NEB: variants seen among roughly 807,000 people sequenced by gnomAD.
NEB encodes the protein nemaline myopathy type 2.
Under a neutral mutation model 952.2 loss-of-function variants are expected in NEB, and 512 were observed. The observed-to-expected ratio is 0.54, with a 90% CI of 0.50 to 0.58. The LOEUF (loss-of-function observed/expected upper bound fraction) is 0.58. Ranked by LOEUF, NEB falls within the 20% of genes least tolerant of loss-of-function variation. NEB has a pLI of 0.00. For synonymous variants in NEB, 2,900 were observed against 3,149.8 expected (o/e 0.92, Z 2.66); for missense variants, 8,428 against 9,231.1 (o/e 0.91, Z 3.56).
intron 13 of NEB, among the ~76,000 whole-genome samples, chr2:151,702,701 T>G (rs557299931): frequency 6.6e-6 from 1 of 152,224 alleles, no homozygotes; most frequent in South Asian, 2.1e-4. Flanking sequence ...CTGCCTTTTT[T>G]TTGTTTTCCA....
In NEB at chr2:151,697,590, G is replaced by T. The variant is rs200585609; in HGVS notation, c.1211C>A (p.Thr404Asn). 1.2e-6 allele frequency: 2 copies of T among 1,613,026 alleles called. No homozygotes were observed. Among genetic ancestry groups the T allele is most frequent in the African/African-American group, 1.3e-5 (1 of 74,898 alleles). The part of the protein sequence containing the change: ...TKAKSINYCE[T>N]PKFKLDTVLQ... ...AACAGTATCGAGCTTGAATTTGGGG[G>T]TCTCGCAGTAATTTATGCTCTTTGC... The change falls in exon 14 of 182, where the codon ACC becomes AAC. Residue 404 changes from threonine to asparagine, a missense_variant. Thr to Asn is a moderately conservative substitution (Grantham distance 65). This residue lies in a region of NEB where 2,851 missense variants were observed against 2,791.5 expected (regional missense o/e 1.02). Transcript: ENST00000397345.
intron 81 of NEB, among the ~76,000 whole-genome samples, chr2:151,609,481 T>C (rs1355580091): frequency 6.6e-6 from 1 of 152,220 alleles, no homozygotes; most frequent in Admixed American, 6.5e-5. Context: ...TTGAAAATTT[T>C]TAAAGGAAAA....
At chr2:151,654,693 C>A (rs144637168) in intron 51 of NEB, among the ~76,000 whole-genome samples, 1 of 152,122 alleles carries the variant, frequency 6.6e-6, no homozygotes, top group Admixed American at 6.5e-5. Context: ...CCCATTTAGT[C>A]CTCATGGCAA....
intron 74 of NEB, 43 bp downstream of exon 74, chr2:151,618,232 T>C: frequency 6.5e-7 from 1 of 1,532,140 alleles, no homozygotes; most frequent in Non-Finnish European, 9.0e-7. Context: ...TAAATTGTTC[T>C]GTGGTAACTT....
chr2:151,690,587 G>A, intron 24 of NEB, 140 bp downstream of exon 24: 1 of 690,954 alleles, frequency 1.4e-6, no homozygotes, highest in East Asian at 2.9e-5. Context: ...AGCCTCATTT[G>A]TGTTTTATTA....
At chr2:151,516,367 T>C in intron 157 of NEB, 92 bp downstream of exon 157, 2 of 795,290 alleles carry the variant, frequency 2.5e-6, no homozygotes, top group South Asian at 1.9e-5. Flanking sequence ...GCTACCACTT[T>C]TGGATGACAG....
chr2:151,722,802 G>C (rs764912078), intron 9 of NEB, among the ~76,000 whole-genome samples: 1 of 152,112 alleles, frequency 6.6e-6, no homozygotes, highest in Non-Finnish European at 1.5e-5. Flanking sequence ...TCCCCTCTTG[G>C]CCTCCCAAAC....
Position 151,640,405 on chromosome 2 carries a change from C to G in NEB, c.8635G>C (p.Asp2879His). The change falls in exon 61 of 182, where the codon GAC (aspartate) becomes CAC (histidine). Residue 2879 changes from aspartate to histidine, a missense_variant. By Grantham distance (81) the Asp-to-His change is moderately conservative. This residue lies in a region of NEB where 1,772 missense variants were observed against 1,960.3 expected (regional missense o/e 0.90). Coordinates refer to ENST00000397345, the MANE Select transcript of NEB (RefSeq NM_001164508.2). ...NYLHQWTCLP[D>H]QSDVIHARQA... ...CGAGCATGGATGACGTCGCTCTGGT[C>G]GGGCAGGCATGTCCACTGGTGCAGG... 1.2e-6 allele frequency: 2 copies of G among 1,613,936 alleles called. No individual in the cohort carries two copies. Among genetic ancestry groups the G allele is most frequent in the Non-Finnish European group, 1.7e-6 (2 of 1,179,878 alleles).
At chr2:151,645,642 T>C (rs1285119020) in intron 55 of NEB, among the ~76,000 whole-genome samples, 1 of 152,228 alleles carries the variant, frequency 6.6e-6, no homozygotes, top group Non-Finnish European at 1.5e-5. Flanking sequence ...CTATTAGAAT[T>C]TAGAATTTGT....
Position 151,503,458 on chromosome 2 carries a change from G to C in NEB, c.23743-17C>G, listed in dbSNP as rs756052626. On this transcript the variant is annotated splice_polypyrimidine_tract_variant and intron_variant, in intron 165 of 181. Coordinates refer to ENST00000397345, the MANE Select transcript of NEB (RefSeq NM_001164508.2). ...GTACATAACCTGTAGAAAATAATTA[G>C]AATACCCAGAAAGGTAAAATGACCG... The C allele has an allele frequency of 6.5e-7, 1 of 1,530,594 alleles. No individual in the cohort carries two copies. The highest frequency in any genetic ancestry group is 9.1e-7 in the Non-Finnish European group (1 of 1,104,820). The allele number at this position is 1,530,594 out of a possible 1,614,324, so 94.8% of individuals were successfully genotyped here.
At chr2:151,547,834 G>A (rs2094898634) in intron 131 of NEB, 96 bp from the exon 132 acceptor site, 1 of 785,186 alleles carries the variant, frequency 1.3e-6, no homozygotes, top group South Asian at 1.9e-5. Context: ...TAAGGAAGAG[G>A]GGAGGAAATA....
rs762640071 is a variant in NEB at position 151,671,052 on chromosome 2, C to G, written c.4477G>C (p.Ala1493Pro). Reference sequence around the variant, plus strand: ...CTTAGCTGCTTTGTGTTATGCTGAGCCAACACCATGCCCATGGAATCAGGC... The same window carrying G: ...CTTAGCTGCTTTGTGTTATGCTGAGGCAACACCATGCCCATGGAATCAGGC... ...SVPDSMGMVL[A>P]QHNTKQLSDL... Residue 1493 changes from alanine (A) to proline (P), a missense_variant, in exon 38 of 182, where the codon GCT (alanine) becomes CCT (proline). Physicochemically the swap from Ala to Pro is conservative, Grantham distance 27. This residue lies in a region of NEB where 2,851 missense variants were observed against 2,791.5 expected (regional missense o/e 1.02). Coordinates refer to ENST00000397345, the MANE Select transcript of NEB (RefSeq NM_001164508.2). 41 of 1,613,802 alleles carry G rather than the reference C, an allele frequency of 2.5e-5. No homozygotes were observed. Among genetic ancestry groups the G allele is most frequent in the Non-Finnish European group, 3.1e-5 (37 of 1,179,846 alleles).
chr2:151,570,588 T>G lies in NEB; in HGVS notation c.17027A>C (p.Glu5676Ala). ...ALNVSNKLYR[E>A]GWDEMKAGCD... is the part of the protein sequence containing the mutation. ...GCCCGCCTTCATTTCATCCCAGCCC[T>G]CACGGTAAAGTTTCTGAAAAGGAGA... The change falls in exon 108 of 182, where the codon GAG (glutamate) becomes GCG (alanine). Residue 5676 changes from glutamate to alanine, a missense_variant. Glu to Ala is a moderately radical substitution (Grantham distance 107, BLOSUM62 -1). Around this residue, in one of 11 missense-constraint regions of NEB, gnomAD observed 3,374 missense variants for 3,651.5 expected, o/e 0.92. Transcript: ENST00000397345. 3 of 1,596,612 alleles carry G rather than the reference T, an allele frequency of 1.9e-6. No individual in the cohort carries two copies. The highest frequency in any genetic ancestry group is 2.6e-6 in the Non-Finnish European group (3 of 1,171,312).
chr2:151,540,029 T>G (rs2153564979), intron 138 of NEB, among the ~76,000 whole-genome samples: 1 of 152,318 alleles, frequency 6.6e-6, no homozygotes, highest in Non-Finnish European at 1.5e-5. Context: ...CATGTCTGGC[T>G]GACTGCAAGA....
rs141925015 is a variant in NEB, at chr2:151,562,617, C to T, written c.18885G>A (p.Leu6295=). 5.9e-5 allele frequency: 92 copies of T among 1,570,616 alleles called. 1 individual carries two copies. The East Asian group carries it at 2.0e-3, about 35-fold the overall frequency. ...VIRVRNAQEI[L]SDNVYKDDLN... Reference sequence around the variant, plus strand: ...TGCAGAAGGGACATCATACATCACTCAAGATCTCCTGGGCGTTTCGGACGC... The same window carrying T: ...TGCAGAAGGGACATCATACATCACTTAAGATCTCCTGGGCGTTTCGGACGC... The change falls in exon 120 of 182, where the codon TTG becomes TTA. Residue 6295 remains leucine, a synonymous_variant. Coordinates refer to ENST00000397345, the MANE Select transcript of NEB (RefSeq NM_001164508.2).
intron 143 of NEB, chr2:151,532,177 A>C: frequency 4.0e-6 from 1 of 247,586 alleles, no homozygotes; most frequent in Non-Finnish European, 7.8e-6. Flanking sequence ...GCTCACTGCA[A>C]CCTCCACCTC....
intron 128 of NEB, among the ~76,000 whole-genome samples, 164 bp from the exon 129 acceptor site, chr2:151,552,009 A>G (rs2095369178): frequency 6.6e-6 from 1 of 152,190 alleles, no homozygotes; most frequent in Admixed American, 6.5e-5. Flanking sequence ...ACTCACACTG[A>G]GAAACAGAAG....
intron 162 of NEB, among the ~76,000 whole-genome samples, chr2:151,507,477 C>A (rs1054187722): frequency 7.9e-5 from 12 of 152,186 alleles, no homozygotes; most frequent in African/African-American, 2.4e-4. Context: ...TAAGCCTCTC[C>A]TTCCAGAAGG....
At chr2:151,551,191 A>G (rs184246504) in intron 129 of NEB, among the ~76,000 whole-genome samples, 4 of 151,808 alleles carry the variant, frequency 2.6e-5, no homozygotes, top group African/African-American at 9.7e-5. Context: ...CTGGTCTCGA[A>G]CTCCTGACCT....
Sources: gnomAD v4.1 joint callset for allele counts (sites outside exome capture counted in the v4.1 genomes callset) on GRCh38, gnomAD v4.1.1 for gene constraint, gnomAD v4.1.1 regional missense constraint, MANE v1.5 for transcripts, NCBI Gene and HGNC (gene_info 2026-07-23, HGNC 2026-07-21) for gene names.